Variants in ACSM3 observed in about 807,000 individuals in gnomAD.
The protein encoded by ACSM3 is acyl-CoA synthetase medium chain family member 3.
In ACSM3, 61 loss-of-function variants were observed where a neutral mutation model predicts 74.1. That is an observed-to-expected ratio of 0.82 (90% CI 0.67 to 1.02). ACSM3 has a LOEUF of 1.02. Ranked by LOEUF, ACSM3 falls within the 50% of genes least tolerant of loss-of-function variation. The pLI is 0.00. For missense variants in ACSM3, 660 were observed against 697.0 expected (o/e 0.95, Z 0.60); for synonymous variants, 213 against 241.5 (o/e 0.88, Z 1.09).
At chr16:20,791,271 T>C (rs1196211177) in intron 10 of ACSM3, among the ~76,000 whole-genome samples, 2 of 152,208 alleles carry the variant, frequency 1.3e-5, no homozygotes, top group Admixed American at 1.3e-4. Flanking sequence ...AATTCTATTA[T>C]TGTGTAAAAC....
intron 1 of ACSM3, among the ~76,000 whole-genome samples, chr16:20,700,109 T>C (rs2079709195): frequency 2.0e-5 from 3 of 152,190 alleles, no homozygotes; most frequent in Admixed American, 2.0e-4. Flanking sequence ...TGGCAAAGTC[T>C]CTATCAGCCT....
chr16:20,758,437 A>G (rs1196780936), intron 3 of ACSM3, among the ~76,000 whole-genome samples: 2 of 152,076 alleles, frequency 1.3e-5, no homozygotes, highest in African/African-American at 4.8e-5. Flanking sequence ...TGTTTGTAGT[A>G]TTCTCTGATG....
chr16:20,769,983 G>C lies in ACSM3; in HGVS notation c.-51-1G>C, dbSNP rs1318786416. On this transcript the variant is annotated splice_acceptor_variant, in intron 1 of 13. Transcript: ENST00000289416. LOFTEE classifies it low-confidence loss of function (5UTR_SPLICE). ...ATATGTCCTTTTTGCTTGTCTTTTA[G>C]ATGAACTGGTCTCTGTGCAAATCCT... 1 of 1,576,154 alleles carries C rather than the reference G, an allele frequency of 6.3e-7. No individual in the cohort carries two copies. The highest frequency in any genetic ancestry group is 8.7e-7 in the Non-Finnish European group (1 of 1,147,464).
At chr16:20,686,621 G>A (rs770045946) in intron 1 of ACSM3, among the ~76,000 whole-genome samples, 20 of 151,894 alleles carry the variant, frequency 1.3e-4, no homozygotes, top group African/African-American at 2.2e-4. Context: ...CTTGTATCCC[G>A]GAACTTAAAG....
chr16:20,785,979 G>GT, intron 8 of ACSM3, 99 bp from the exon 9 acceptor site: 1 of 776,218 alleles, frequency 1.3e-6, no homozygotes, highest in Non-Finnish European at 2.0e-6. Flanking sequence ...CTAGTTCATA[G>GT]TAAGTTTTCA....
At chr16:20,688,084 C>CA (rs34719963) in intron 1 of ACSM3, among the ~76,000 whole-genome samples, 1,484 of 95,358 alleles carry the variant, frequency 0.016, 23 homozygotes, top group Middle Eastern at 0.049. Context: ...AACTCTGTCT[C>CA]AAAAAAAAAA....
At chr16:20,738,114 C>A in intron 1 of ACSM3, 1 of 743,768 alleles carries the variant, frequency 1.3e-6, no homozygotes, top group East Asian at 2.5e-5. Flanking sequence ...AACAGTATTT[C>A]TTCAGTGCCT....
chr16:20,788,888 C>T (rs1024321061), intron 9 of ACSM3, among the ~76,000 whole-genome samples: 1 of 152,062 alleles, frequency 6.6e-6, no homozygotes, highest in African/African-American at 2.4e-5. Context: ...TTTGCAAGAG[C>T]TTAAAGAGAA....
chr16:20,742,813 A>ATATATATATATAT (rs61582869), intron 1 of ACSM3, among the ~76,000 whole-genome samples: 105 of 66,804 alleles, frequency 1.6e-3, no homozygotes, highest in South Asian at 6.3e-3. Context: ...ATATATATAT[A>ATATATATATATAT]TTTTTTTTTT....
upstream of ACSM3, among the ~76,000 whole-genome samples, chr16:20,761,049 C>G (rs184810744): frequency 6.6e-6 from 1 of 152,318 alleles, no homozygotes; most frequent in Non-Finnish European, 1.5e-5. Context: ...AGCCCAGCCT[C>G]TTCCTCCTTT....
At chr16:20,789,588 ATATT>A (rs921564183) in intron 9 of ACSM3, 4 of 1,468,492 alleles carry the variant, frequency 2.7e-6, no homozygotes, top group African/African-American at 2.8e-5. Context: ...AGTAATGAAG[ATATT>A]TATTTATCAA....
intron 7 of ACSM3, chr16:20,783,700 C>A (rs921406922): frequency 1.3e-5 from 2 of 152,154 alleles, no homozygotes; most frequent in East Asian, 1.9e-4. Flanking sequence ...TTGCTTCAAA[C>A]CTTGTCCCCA....
intron 1 of ACSM3, among the ~76,000 whole-genome samples, chr16:20,719,020 C>T (rs2079776633): frequency 6.6e-6 from 1 of 152,172 alleles, no homozygotes; most frequent in Admixed American, 6.5e-5. Context: ...AACCCAGCCT[C>T]CCACTCTACT....
intron 2 of ACSM3, among the ~76,000 whole-genome samples, chr16:20,770,713 C>A (rs1417811298): frequency 1.3e-5 from 2 of 152,040 alleles, no homozygotes; most frequent in Non-Finnish European, 2.9e-5. Context: ...CTTCCAACGT[C>A]TAGAAATAAG....
chr16:20,784,908 T>C (rs2080437340), intron 7 of ACSM3, 76 bp from the exon 8 acceptor site: 2 of 1,502,654 alleles, frequency 1.3e-6, no homozygotes, highest in African/African-American at 1.4e-5. Context: ...ATATTGAAGT[T>C]CATAAGAAAT....
chr16:20,732,617 G>A (rs1327965105), intron 1 of ACSM3, among the ~76,000 whole-genome samples: 3 of 152,100 alleles, frequency 2.0e-5, no homozygotes, highest in Admixed American at 6.6e-5. Context: ...GAACAGTAGA[G>A]ACCTAGGACT....
chr16:20,705,358 G>T (rs1415661086), intron 1 of ACSM3, among the ~76,000 whole-genome samples: 2 of 144,716 alleles, frequency 1.4e-5, no homozygotes, highest in Admixed American at 7.0e-5. Context: ...GGGCGACAGA[G>T]CGAGACTCCG....
At chr16:20,764,857 A>C (rs1291585838) in intron 1 of ACSM3, 1 of 152,284 alleles carries the variant, frequency 6.6e-6, no homozygotes, top group Non-Finnish European at 1.5e-5. Context: ...AAACTTTGGG[A>C]AACACAGATG....
chr16:20,742,641 C>CAAA (rs35133233), intron 1 of ACSM3, among the ~76,000 whole-genome samples: 4,112 of 129,598 alleles, frequency 0.032, 247 homozygotes, highest in African/African-American at 0.12. Flanking sequence ...GGCTCTGTCT[C>CAAA]AAAAAAAAAA....
Sources: gnomAD v4.1 joint callset for allele counts (sites outside exome capture counted in the v4.1 genomes callset) on GRCh38, gnomAD v4.1.1 for gene constraint, MANE v1.5 for transcripts, NCBI Gene and HGNC (gene_info 2026-07-23, HGNC 2026-07-21) for gene names.